Variants in SHANK2 observed in about 807,000 individuals in gnomAD.
SHANK2 encodes SH3 and multiple ankyrin repeat domains 2.
In SHANK2, 43 loss-of-function variants were observed where a neutral mutation model predicts 133.7. The observed-to-expected ratio is 0.32, with a 90% CI of 0.25 to 0.41. SHANK2 has a LOEUF of 0.41. Ranked by LOEUF, SHANK2 falls within the 10% of genes least tolerant of loss-of-function variation. The pLI is 1.00. For synonymous variants in SHANK2, 1,017 were observed against 952.8 expected (o/e 1.07, Z -1.24); for missense variants, 1,994 against 2,235.8 (o/e 0.89, Z 2.18).
chr11:70,747,033 T>C (rs1591809358), intron 14 of SHANK2, among the ~76,000 whole-genome samples: 1 of 105,278 alleles, frequency 9.5e-6, no homozygotes, highest in Non-Finnish European at 2.0e-5. Context: ...ACCCCTGCAC[T>C]CCCCTCCCTC....
rs1358903701 is a variant in SHANK2 at position 71,126,280 on chromosome 11, GAACAGC to G, written c.208-7254_208-7249del. 5.4e-5 allele frequency among the ~76,000 whole-genome samples: 8 copies of G among 146,836 alleles called. No individual in the cohort carries two copies. In the East Asian group the frequency reaches 1.6e-3, roughly 30 times the overall value. ...TAACTCTATCTGTGCTCTATAAATGGAACAGCAAAGCCTGGATGACAGCACATCTGT... is the reference window on the plus strand; with the variant it reads ...TAACTCTATCTGTGCTCTATAAATGGAAAGCCTGGATGACAGCACATCTGT... On this transcript the variant is annotated intron_variant, in intron 3 of 25. Coordinates refer to ENST00000601538, the MANE Select transcript of SHANK2 (RefSeq NM_012309.5).
intron 14 of SHANK2, among the ~76,000 whole-genome samples, chr11:70,711,477 T>C: frequency 6.6e-6 from 1 of 152,276 alleles, no homozygotes; most frequent in Admixed American, 6.5e-5. Flanking sequence ...ATAACTTTTC[T>C]TTTTTAAAAC....
At chr11:70,878,567 A>C (rs1277583101) in intron 11 of SHANK2, among the ~76,000 whole-genome samples, 2 of 152,120 alleles carry the variant, frequency 1.3e-5, no homozygotes, top group Non-Finnish European at 2.9e-5. Context: ...TATTAAGCCA[A>C]TGGTCTTGCC....
At chr11:70,702,451 CCAT>C (rs1437762581) in intron 14 of SHANK2, among the ~76,000 whole-genome samples, 1 of 151,906 alleles carries the variant, frequency 6.6e-6, no homozygotes, top group Non-Finnish European at 1.5e-5. Flanking sequence ...ATCATCACCA[CCAT>C]CATCACTATC....
intron 3 of SHANK2, among the ~76,000 whole-genome samples, chr11:71,125,708 G>A (rs1422432689): frequency 6.6e-6 from 1 of 152,148 alleles, no homozygotes; most frequent in Non-Finnish European, 1.5e-5. Context: ...TGATGAAGGC[G>A]GCTACACTAA....
intron 14 of SHANK2, among the ~76,000 whole-genome samples, chr11:70,718,707 T>TTTTTTTTTC (rs1946008462): frequency 6.7e-6 from 1 of 149,586 alleles, no homozygotes; most frequent in Non-Finnish European, 1.5e-5. Flanking sequence ...TCTCTTTTTT[T>TTTTTTTTTC]TTTTTTGAAT....
chr11:70,769,314 C>T lies in SHANK2; in HGVS notation c.1777+29129G>A, dbSNP rs185845116. On this transcript the variant is annotated intron_variant, in intron 14 of 25. Coordinates refer to ENST00000601538, the MANE Select transcript of SHANK2 (RefSeq NM_012309.5). ...ACGGTGCCCACTGCCCTCCTTTGCT[C>T]GCAGACATGTCCTCGTTTGGATGAT... Among the ~76,000 whole-genome samples, 719 of 152,282 alleles carry T rather than the reference C, an allele frequency of 4.7e-3. 3 individuals are homozygous for T. The highest frequency in any genetic ancestry group is 6.9e-3 in the Non-Finnish European group (468 of 68,020).
intron 2 of SHANK2, among the ~76,000 whole-genome samples, chr11:71,215,022 T>C (rs1392107147): frequency 6.6e-6 from 1 of 152,200 alleles, no homozygotes; most frequent in Non-Finnish European, 1.5e-5. Context: ...CTGGCTGTGC[T>C]GCAGGTACAT....
chr11:70,808,016 TGGGGAGTGA>T (rs1460166734), intron 12 of SHANK2, among the ~76,000 whole-genome samples: 6 of 151,734 alleles, frequency 4.0e-5, no homozygotes, highest in Middle Eastern at 3.4e-3. Context: ...GTGGAGAGAA[TGGGGAGTGA>T]GGGTTCAATG....
At chr11:71,139,340 A>G (rs1277326387) in intron 3 of SHANK2, among the ~76,000 whole-genome samples, 14 of 122,876 alleles carry the variant, frequency 1.1e-4, no homozygotes, top group African/African-American at 4.3e-4. Context: ...CATGGCATTC[A>G]CTGTGGATTA....
Position 70,839,472 on chromosome 11 carries a change from C to T in SHANK2, c.1175-18790G>A, listed in dbSNP as rs544552713. On this transcript the variant is annotated intron_variant, in intron 11 of 25. Transcript: ENST00000601538. ...GGGTACGTCAAAGGAGAGAGGGGAA[C>T]AGGATGTGCTGGGACCACTGACTAC... Among the ~76,000 whole-genome samples, 681 of 152,340 alleles carry T rather than the reference C, an allele frequency of 4.5e-3. 2 individuals carry two copies. The highest frequency in any genetic ancestry group is 6.7e-3 in the Non-Finnish European group (455 of 68,032).
chr11:70,897,053 T>G (rs1000368005), intron 10 of SHANK2, among the ~76,000 whole-genome samples: 4 of 152,152 alleles, frequency 2.6e-5, no homozygotes, highest in African/African-American at 4.8e-5. Context: ...GTGGGAAAAA[T>G]TCTACCCATA....
At chr11:70,704,414 G>A (rs960918591) in intron 14 of SHANK2, among the ~76,000 whole-genome samples, 1 of 152,194 alleles carries the variant, frequency 6.6e-6, no homozygotes. Flanking sequence ...CCATGGGAAG[G>A]TCCTGGTGAG....
intron 10 of SHANK2, among the ~76,000 whole-genome samples, chr11:70,939,023 C>G (rs1357942662): frequency 6.6e-6 from 1 of 151,688 alleles, no homozygotes; most frequent in Non-Finnish European, 1.5e-5. Context: ...TGGGTGGCAG[C>G]AGGGACAGAG....
intron 17 of SHANK2, among the ~76,000 whole-genome samples, chr11:70,556,381 CTCTTTCTT>C (rs201730104): frequency 1.5e-4 from 14 of 95,506 alleles, no homozygotes; most frequent in East Asian, 1.3e-3. Flanking sequence ...TTCTCTCTGT[CTCTTTCTT>C]TCTTTCTCTC....
intron 10 of SHANK2, among the ~76,000 whole-genome samples, chr11:70,924,025 G>A (rs1244160420): frequency 3.9e-5 from 6 of 152,312 alleles, no homozygotes; most frequent in South Asian, 4.2e-4. Flanking sequence ...GGGGAGGCAC[G>A]AGGGAGCAGA....
At chr11:70,709,637 C>T (rs1591771927) in intron 14 of SHANK2, among the ~76,000 whole-genome samples, 2 of 152,226 alleles carry the variant, frequency 1.3e-5, no homozygotes, top group African/African-American at 2.4e-5. Flanking sequence ...TTCACAGACA[C>T]GGACACTGAG....
Position 70,747,648 on chromosome 11 carries a change from A to G in SHANK2, c.1778-48885T>C, listed in dbSNP as rs191223586. Among the ~76,000 whole-genome samples the G allele has an allele frequency of 4.3e-3, 661 of 152,304 alleles. 5 individuals carry two copies. The highest frequency in any genetic ancestry group is 0.015 in the African/African-American group (628 of 41,562). ...CCTCCCTCCATATCCCCAGGCCCCA[A>G]TTCCATGCTGAATAGCAGAGACAAC... On this transcript the variant is annotated intron_variant, in intron 14 of 25. Coordinates refer to ENST00000601538, the MANE Select transcript of SHANK2 (RefSeq NM_012309.5).
intron 17 of SHANK2, among the ~76,000 whole-genome samples, chr11:70,587,887 T>A (rs782786016): frequency 1.3e-5 from 2 of 152,212 alleles, no homozygotes; most frequent in Admixed American, 6.5e-5. Flanking sequence ...AGTAAATCTG[T>A]TGGTGCCATT....
Sources: allele counts gnomAD v4.1 joint callset (sites outside exome capture counted in the v4.1 genomes callset), GRCh38; gene constraint gnomAD v4.1.1; transcripts MANE v1.5; gene names NCBI Gene and HGNC (gene_info 2026-07-23, HGNC 2026-07-21).